SLC25A33: variants seen among roughly 807,000 people sequenced by gnomAD.
SLC25A33 encodes the protein bone marrow stromal cell mitochondrial carrier protein.
In SLC25A33, 15 loss-of-function variants were observed where a neutral mutation model predicts 35.5. That is an observed-to-expected ratio of 0.42 (90% CI 0.28 to 0.65). The LOEUF (loss-of-function observed/expected upper bound fraction) is 0.65, where lower values mean the gene tolerates loss of function less well. Among genes scored for constraint, SLC25A33 ranks in the 30% least tolerant of loss-of-function variants. The probability of loss-of-function intolerance (pLI) is 0.20; values close to 1 mark genes in which losing one functional copy is unlikely to be tolerated. For missense variants in SLC25A33, 257 were observed against 398.5 expected (o/e 0.64, Z 3.02); for synonymous variants, 136 against 148.7 (o/e 0.91, Z 0.62).
intron 1 of SLC25A33, among the ~76,000 whole-genome samples, chr1:9,551,684 A>G (rs1643268670): frequency 6.6e-6 from 1 of 152,326 alleles, no homozygotes; most frequent in Admixed American, 6.5e-5. Flanking sequence ...CTCCCAGTCT[A>G]ATGAGAAAGA....
At chr1:9,548,845 A>T (rs568649869) in intron 1 of SLC25A33, among the ~76,000 whole-genome samples, 2 of 152,190 alleles carry the variant, frequency 1.3e-5, no homozygotes, top group African/African-American at 2.4e-5. Flanking sequence ...GAGCCCTCAG[A>T]TGAACCAAGA....
At chr1:9,575,412 C>G (rs1259396369) in intron 5 of SLC25A33, among the ~76,000 whole-genome samples, 5 of 151,242 alleles carry the variant, frequency 3.3e-5, no homozygotes, top group African/African-American at 9.7e-5. Flanking sequence ...CTCAGGAGTT[C>G]GAGACCAGCC....
intron 2 of SLC25A33, among the ~76,000 whole-genome samples, chr1:9,564,917 C>T (rs2100395981): frequency 6.6e-6 from 1 of 151,416 alleles, no homozygotes; most frequent in East Asian, 2.0e-4. Flanking sequence ...GAGTAAGACC[C>T]TGTCTCAAAA....
At chr1:9,546,687 C>A (rs1643175488) in intron 1 of SLC25A33, among the ~76,000 whole-genome samples, 1 of 151,940 alleles carries the variant, frequency 6.6e-6, no homozygotes, top group South Asian at 2.1e-4. Flanking sequence ...TTTTTTTTGA[C>A]TAGGCTCATT....
chr1:9,546,788 G>A (rs116615907), intron 1 of SLC25A33, among the ~76,000 whole-genome samples: 3,141 of 152,220 alleles, frequency 0.021, 103 homozygotes, highest in African/African-American at 0.071. Context: ...GGGAGCACAG[G>A]CTTCAGGTGA....
chr1:9,580,866 A>AT (rs1228747589), intron 6 of SLC25A33, among the ~76,000 whole-genome samples: 3 of 101,954 alleles, frequency 2.9e-5, no homozygotes, highest in African/African-American at 1.3e-4. Context: ...AAAAAAAAAA[A>AT]ATAATAATAA....
chr1:9,569,756 G>A (rs781778318), intron 3 of SLC25A33, among the ~76,000 whole-genome samples: 2 of 152,052 alleles, frequency 1.3e-5, no homozygotes, highest in African/African-American at 4.8e-5. Context: ...ACCACTTTGC[G>A]GTAGTCAAGG....
Position 9,580,940 on chromosome 1 carries a change from A to T in SLC25A33, c.763+706A>T, listed in dbSNP as rs148903550. Among the ~76,000 whole-genome samples the T allele has an allele frequency of 1.2e-3, 189 of 151,630 alleles. 2 individuals carry two copies. The highest frequency in any genetic ancestry group is 4.3e-3 in the African/African-American group (179 of 41,404). ...ATGGAGCCTTAAGGCTACTTTGGGT[A>T]AGTTTATTTTTTTGAGTTATAGAAT... On this transcript the variant is annotated intron_variant, in intron 6 of 6. Transcript: ENST00000302692.
Position 9,580,011 on chromosome 1 carries a change from C to A in SLC25A33, c.540C>A (p.Thr180=). Residue 180 remains threonine (T), a synonymous_variant, in exon 6 of 7, where the codon ACC becomes ACA. Transcript: ENST00000302692. ...AGTGTGCTCGTTACGTTTACCAGAC[C>A]GAAGGCATTCGTGGCTTCTATAGAG... ...TLQCARYVYQ[T]EGIRGFYRGL... 6.2e-7 allele frequency: 1 copy of A among 1,613,296 alleles called. No individual in the cohort carries two copies. Among genetic ancestry groups the A allele is most frequent in the Non-Finnish European group, 8.5e-7 (1 of 1,179,650 alleles).
At chr1:9,541,686 CA>C (rs1643084027) in intron 1 of SLC25A33, among the ~76,000 whole-genome samples, 1 of 145,838 alleles carries the variant, frequency 6.9e-6, no homozygotes, top group Non-Finnish European at 1.5e-5. Context: ...ACAACTTGGC[CA>C]TTTTTTTTTT....
chr1:9,556,713 C>G (rs951781277), intron 2 of SLC25A33, among the ~76,000 whole-genome samples: 4 of 148,286 alleles, frequency 2.7e-5, no homozygotes, highest in East Asian at 4.0e-4. Context: ...GTGTGTGTGT[C>G]TGTGTGTCTG....
intron 2 of SLC25A33, chr1:9,556,349 T>C (rs1643341351): frequency 1.4e-6 from 1 of 706,754 alleles, no homozygotes; most frequent in Non-Finnish European, 1.7e-6. Flanking sequence ...GGGGAACTGT[T>C]ACCCAAAAGT....
chr1:9,574,189 G>GC (rs1394720433), intron 5 of SLC25A33, among the ~76,000 whole-genome samples: 4 of 149,178 alleles, frequency 2.7e-5, no homozygotes, highest in African/African-American at 1.0e-4. Context: ...CCAGGCTCAA[G>GC]CAATCCTCCT....
intron 5 of SLC25A33, among the ~76,000 whole-genome samples, chr1:9,574,098 A>G (rs1569873808): frequency 7.5e-6 from 1 of 133,936 alleles, no homozygotes; most frequent in South Asian, 2.4e-4. Flanking sequence ...AGAATAATGT[A>G]TTTTGTTTCC....
chr1:9,542,928 G>A (rs1193211514), intron 1 of SLC25A33, among the ~76,000 whole-genome samples: 1 of 150,114 alleles, frequency 6.7e-6, no homozygotes, highest in Admixed American at 6.7e-5. Context: ...TTTGATTCGC[G>A]TGCCTCAGCC....
intron 5 of SLC25A33, among the ~76,000 whole-genome samples, chr1:9,577,980 GT>G (rs1643687074): frequency 6.6e-6 from 1 of 152,136 alleles, no homozygotes; most frequent in Admixed American, 6.5e-5. Flanking sequence ...CTGGAGTGCA[GT>G]GGTGCATCTC....
chr1:9,560,947 ATTCT>A (rs1251252961), intron 2 of SLC25A33, among the ~76,000 whole-genome samples: 2 of 148,848 alleles, frequency 1.3e-5, no homozygotes, highest in East Asian at 3.9e-4. Flanking sequence ...GCTGAGACAC[ATTCT>A]TTTTTTTTTT....
chr1:9,574,615 C>T (rs1643635336), intron 5 of SLC25A33, among the ~76,000 whole-genome samples: 1 of 152,212 alleles, frequency 6.6e-6, no homozygotes, highest in South Asian at 2.1e-4. Flanking sequence ...TGTGTATTTA[C>T]ATTCGTAATG....
At chr1:9,576,666 A>C (rs1350082400) in intron 5 of SLC25A33, 1 of 631,536 alleles carries the variant, frequency 1.6e-6, no homozygotes. Flanking sequence ...AGGGTGTTAC[A>C]CTGGGCTTCT....
Sources: allele counts gnomAD v4.1 joint callset (sites outside exome capture counted in the v4.1 genomes callset), GRCh38; gene constraint gnomAD v4.1.1; transcripts MANE v1.5; gene names NCBI Gene and HGNC (gene_info 2026-07-23, HGNC 2026-07-21).